Variants in XRCC4 observed in about 807,000 individuals in gnomAD.
XRCC4 encodes the protein X-ray repair cross complementing 4, also known as DNA repair protein XRCC4.
In XRCC4, 28 loss-of-function variants were observed where a neutral mutation model predicts 39.1. That is an observed-to-expected ratio of 0.72 (90% CI 0.53 to 0.98). The LOEUF is 0.98. Among genes scored for constraint, XRCC4 ranks in the 50% least tolerant of loss-of-function variants. The probability of loss-of-function intolerance (pLI) is 0.00; values close to 1 mark genes in which losing one functional copy is unlikely to be tolerated. For missense variants in XRCC4, 350 were observed against 376.4 expected, an observed-to-expected ratio of 0.93 and a Z score of 0.58; for synonymous variants, 123 against 126.4, an observed-to-expected ratio of 0.97 and a Z score of 0.18.
chr5:83,274,356 AACTTTTGTAC>A (rs1331550124), intron 7 of XRCC4, among the ~76,000 whole-genome samples: 1 of 152,248 alleles, frequency 6.6e-6, no homozygotes, highest in Non-Finnish European at 1.5e-5. Context: ...TGTGTTATGT[AACTTTTGTAC>A]CTTCCCTGCT....
At chr5:83,212,898 G>C (rs1751704263) in intron 6 of XRCC4, among the ~76,000 whole-genome samples, 1 of 145,278 alleles carries the variant, frequency 6.9e-6, no homozygotes, top group African/African-American at 2.6e-5. Context: ...CTGCACTCCA[G>C]CCTGGGAGAC....
chr5:83,352,590 C>T (rs1458909199), intron 7 of XRCC4, among the ~76,000 whole-genome samples: 1 of 152,156 alleles, frequency 6.6e-6, no homozygotes, highest in African/African-American at 2.4e-5. Context: ...TGAAGATATG[C>T]AGATTCAATA....
intron 3 of XRCC4, among the ~76,000 whole-genome samples, chr5:83,166,074 A>T (rs1479920864): frequency 1.3e-5 from 2 of 151,568 alleles, no homozygotes; most frequent in Non-Finnish European, 1.5e-5. Context: ...TTTAGTAGAG[A>T]TGGGGTTTCG....
the XRCC4 span, among the ~76,000 whole-genome samples, chr5:83,364,734 CTTAA>C: frequency 7.2e-5 from 11 of 152,228 alleles, no homozygotes; most frequent in African/African-American, 2.4e-5. Context: ...CTTCATTACA[CTTAA>C]TTAAAGAACA....
rs141274150 is a variant in XRCC4 at position 83,343,402 on chromosome 5, C to T, written c.894-9729C>T. Among the ~76,000 whole-genome samples the T allele has an allele frequency of 1.6e-3, 246 of 152,258 alleles. 3 individuals carry two copies. The Middle Eastern group carries it at 0.041, about 25-fold the overall frequency. On this transcript the variant is annotated intron_variant, in intron 7 of 7. Coordinates refer to ENST00000396027, the MANE Select transcript of XRCC4 (RefSeq NM_003401.5). ...CTTCATTCTCCCCAAAAGAAAACATCGCCTGTTCTTCTTGTCTGTAATAAA... is the reference window on the plus strand; with the variant it reads ...CTTCATTCTCCCCAAAAGAAAACATTGCCTGTTCTTCTTGTCTGTAATAAA...
chr5:83,146,598 G>A (rs903414334), intron 3 of XRCC4, among the ~76,000 whole-genome samples: 1 of 152,164 alleles, frequency 6.6e-6, no homozygotes, highest in Non-Finnish European at 1.5e-5. Flanking sequence ...AATTCTGTGA[G>A]AGCAGGGACA....
intron 7 of XRCC4, among the ~76,000 whole-genome samples, chr5:83,279,031 AT>A (rs1754439754): frequency 6.9e-6 from 1 of 145,526 alleles, no homozygotes; most frequent in African/African-American, 2.5e-5. Flanking sequence ...AGATATATAT[AT>A]TTTATAATAT....
intron 6 of XRCC4, among the ~76,000 whole-genome samples, chr5:83,242,450 A>T (rs1249388055): frequency 6.6e-6 from 1 of 151,774 alleles, no homozygotes; most frequent in Non-Finnish European, 1.5e-5. Context: ...CTTTTATTTT[A>T]TTATTATTTT....
chr5:83,329,128 A>G (rs934946736), intron 7 of XRCC4, among the ~76,000 whole-genome samples: 3 of 152,074 alleles, frequency 2.0e-5, no homozygotes, highest in Non-Finnish European at 4.4e-5. Flanking sequence ...TCACACCTAC[A>G]TGAAAACAAA....
intron 3 of XRCC4, among the ~76,000 whole-genome samples, chr5:83,151,537 G>C (rs1748703144): frequency 6.6e-6 from 1 of 152,048 alleles, no homozygotes; most frequent in Non-Finnish European, 1.5e-5. Flanking sequence ...GAAAAAACTT[G>C]AATTACTATA....
rs34789998 is a variant in XRCC4 at position 83,291,951 on chromosome 5, CTGTGTGTG to C, written c.893+33302_893+33309del. 8.2e-3 allele frequency among the ~76,000 whole-genome samples: 1,187 copies of C among 144,022 alleles called. 11 individuals carry two copies. Among genetic ancestry groups the C allele is most frequent in the East Asian group, 0.074 (361 of 4,902 alleles). The allele number at this position is 144,022 out of a possible 152,430, so 94.5% of individuals were successfully genotyped here. A position where few individuals can be genotyped will look rare whatever the true frequency, so the allele number is the denominator to read the frequency against. On this transcript the variant is annotated intron_variant, in intron 7 of 7. Transcript: ENST00000396027. ...TACTATATATGTTATATGTGTATTT[CTGTGTGTG>C]TGTGTGTGTGTGTGTGTGTGTGTGT...
intron 3 of XRCC4, among the ~76,000 whole-genome samples, chr5:83,186,291 TGAG>T (rs969128648): frequency 2.6e-4 from 39 of 152,178 alleles, no homozygotes; most frequent in Non-Finnish European, 5.0e-4. Flanking sequence ...CCGTGAATTT[TGAG>T]GAGAACATTC....
At chr5:83,302,721 G>A (rs1755333671) in intron 7 of XRCC4, among the ~76,000 whole-genome samples, 1 of 152,146 alleles carries the variant, frequency 6.6e-6, no homozygotes, top group South Asian at 2.1e-4. Context: ...GGGTTCTTGG[G>A]ATGAGGAGGA....
At chr5:83,228,172 T>G (rs1752361310) in intron 6 of XRCC4, among the ~76,000 whole-genome samples, 1 of 152,066 alleles carries the variant, frequency 6.6e-6, no homozygotes, top group Non-Finnish European at 1.5e-5. Context: ...TTTCCTTTAT[T>G]TATTAAAATG....
chr5:83,320,370 AT>A (rs1756019338), intron 7 of XRCC4, among the ~76,000 whole-genome samples: 2 of 148,744 alleles, frequency 1.3e-5, no homozygotes, highest in African/African-American at 5.0e-5. Context: ...AAAATAAAAA[AT>A]AAAAAAATAA....
At chr5:83,204,705 C>T in intron 5 of XRCC4, 110 bp from the exon 6 acceptor site, 2 of 654,956 alleles carry the variant, frequency 3.1e-6, no homozygotes, top group South Asian at 5.9e-5. Flanking sequence ...ATATGTTTGT[C>T]TAATTAGAAT....
chr5:83,349,458 C>G (rs554443165), intron 7 of XRCC4, among the ~76,000 whole-genome samples: 9 of 152,212 alleles, frequency 5.9e-5, no homozygotes, highest in Admixed American at 1.3e-4. Context: ...TATTGACTTG[C>G]CATAGATATA....
At chr5:83,223,470 T>G (rs1277742571) in intron 6 of XRCC4, among the ~76,000 whole-genome samples, 1 of 146,188 alleles carries the variant, frequency 6.8e-6, no homozygotes, top group African/African-American at 2.8e-5. Context: ...TTACCTCCAT[T>G]GTTGCTTTTT....
chr5:83,315,238 T>G (rs1414297099), intron 7 of XRCC4, among the ~76,000 whole-genome samples: 1 of 152,078 alleles, frequency 6.6e-6, no homozygotes, highest in Admixed American at 6.6e-5. Context: ...TCTCATCAAT[T>G]CTGTGAAGGC....
Sources: gnomAD v4.1 joint callset for allele counts (sites outside exome capture counted in the v4.1 genomes callset) on GRCh38, gnomAD v4.1.1 for gene constraint, MANE v1.5 for transcripts, NCBI Gene and HGNC (gene_info 2026-07-23, HGNC 2026-07-21) for gene names.